The following SPECC1L variants were observed in gnomAD, a reference collection of about 807,000 sequenced individuals.
SPECC1L encodes the protein cytospin-A.
A neutral mutation model predicts 116.8 loss-of-function variants in SPECC1L; 40 were observed. That is an observed-to-expected ratio of 0.34 (90% CI 0.27 to 0.45). SPECC1L has a LOEUF of 0.45. Ranked by LOEUF, SPECC1L falls within the 20% of genes least tolerant of loss-of-function variation. The pLI, the probability that SPECC1L is intolerant of heterozygous loss-of-function variation, is 1.00. For synonymous variants in SPECC1L, 504 were observed against 500.6 expected, an observed-to-expected ratio of 1.01 and a Z score of -0.09; for missense variants, 1,110 against 1,373.6, an observed-to-expected ratio of 0.81 and a Z score of 3.03.
intron 1 of SPECC1L, among the ~76,000 whole-genome samples, chr22:24,273,314 G>C (rs1342864392): frequency 1.3e-5 from 2 of 152,124 alleles, no homozygotes; most frequent in Non-Finnish European, 2.9e-5. Flanking sequence ...GCTCAGCTCA[G>C]TAAGGGAACA....
intron 11 of SPECC1L, among the ~76,000 whole-genome samples, chr22:24,355,539 T>C (rs1169706218): frequency 6.6e-6 from 1 of 152,126 alleles, no homozygotes. Context: ...ACTGTAAGTT[T>C]ATACTCATAC....
At chr22:24,410,117 T>C (rs930690417) in intron 14 of SPECC1L, among the ~76,000 whole-genome samples, 1 of 152,226 alleles carries the variant, frequency 6.6e-6, no homozygotes, top group East Asian at 1.9e-4. Context: ...GGCTGTCAGA[T>C]GATGACACCT....
intron 15 of SPECC1L, chr22:24,412,311 G>A: frequency 2.4e-6 from 1 of 415,146 alleles, no homozygotes; most frequent in South Asian, 2.1e-5. Context: ...GAAGATCCCT[G>A]TGGGGGAAGC....
intron 14 of SPECC1L, among the ~76,000 whole-genome samples, chr22:24,404,560 C>T (rs1349374891): frequency 6.6e-6 from 1 of 152,182 alleles, no homozygotes; most frequent in African/African-American, 2.4e-5. Flanking sequence ...CAAGTCTAGT[C>T]TGCTTTAGCT....
chr22:24,387,297 T>A (rs1483633144), intron 14 of SPECC1L, among the ~76,000 whole-genome samples: 2 of 152,226 alleles, frequency 1.3e-5, no homozygotes, highest in Non-Finnish European at 2.9e-5. Context: ...AGCAGCCAGA[T>A]GCACAGGAGT....
At chr22:24,388,233 T>TC (rs1205286463) in intron 14 of SPECC1L, among the ~76,000 whole-genome samples, 1 of 52,252 alleles carries the variant, frequency 1.9e-5, no homozygotes, top group Non-Finnish European at 3.4e-5. Flanking sequence ...CCCTCCCCCC[T>TC]CCCCCCACCC....
Position 24,414,506 on chromosome 22 carries a change from C to G in SPECC1L, c.3265-28C>G, listed in dbSNP as rs2146832500. 3.7e-6 allele frequency: 6 copies of G among 1,607,340 alleles called. No homozygotes were observed. The South Asian group carries it at 4.4e-5, about 12-fold the overall frequency. On this transcript the variant is annotated intron_variant, in intron 16 of 16. Transcript: ENST00000314328. ...CACAGCCTGGAGGTGACCTGCAGTT[C>G]TAACCAAGCGTCTTCCTTGTCTGTC...
At chr22:24,400,965 A>T (rs2042462225) in intron 14 of SPECC1L, among the ~76,000 whole-genome samples, 1 of 152,216 alleles carries the variant, frequency 6.6e-6, no homozygotes, top group Non-Finnish European at 1.5e-5. Context: ...GGAAATTTTC[A>T]AATATGCACT....
intron 2 of SPECC1L, among the ~76,000 whole-genome samples, chr22:24,277,765 A>G (rs964694386): frequency 6.6e-6 from 1 of 152,180 alleles, no homozygotes; most frequent in African/African-American, 2.4e-5. Context: ...TTCATGCTTT[A>G]TTTGTCCATC....
intron 8 of SPECC1L, among the ~76,000 whole-genome samples, chr22:24,334,058 G>A (rs973045312): frequency 1.3e-5 from 2 of 149,870 alleles, no homozygotes; most frequent in African/African-American, 4.9e-5. Context: ...TTTTGCCCAG[G>A]CCGGACTGCA....
At chr22:24,352,887 C>G (rs564348290) in intron 11 of SPECC1L, among the ~76,000 whole-genome samples, 3 of 152,160 alleles carry the variant, frequency 2.0e-5, no homozygotes, top group Admixed American at 6.5e-5. Context: ...AGAAAAGTTG[C>G]AAGAAGTTGT....
chr22:24,364,701 A>G (rs1417923626), intron 12 of SPECC1L, among the ~76,000 whole-genome samples: 1 of 150,224 alleles, frequency 6.7e-6, no homozygotes, highest in African/African-American at 2.4e-5. Flanking sequence ...CTAGCATTGC[A>G]TGTAGCCCTG....
chr22:24,373,176 A>G lies in SPECC1L; in HGVS notation c.3087+3856A>G, dbSNP rs562946295. Among the ~76,000 whole-genome samples the G allele has an allele frequency of 4.8e-4, 73 of 152,322 alleles. 1 individual carries two copies. The East Asian group carries it at 9.2e-3, about 19-fold the overall frequency. On this transcript the variant is annotated intron_variant, in intron 14 of 16. Coordinates refer to ENST00000314328, the MANE Select transcript of SPECC1L (RefSeq NM_015330.6). ...CCATGCTCATGGGTAGGAAGAATCA[A>G]TATCATGAAAATGGCCATACTGCCC...
At chr22:24,368,596 A>G (rs989270131) in intron 13 of SPECC1L, among the ~76,000 whole-genome samples, 2 of 152,210 alleles carry the variant, frequency 1.3e-5, no homozygotes, top group Non-Finnish European at 2.9e-5. Context: ...ATATTTTACA[A>G]TAAGTAATTT....
At chr22:24,338,295 A>G (rs923017711) in intron 9 of SPECC1L, 91 bp from the exon 10 acceptor site, 12 of 1,268,120 alleles carry the variant, frequency 9.5e-6, no homozygotes, top group Non-Finnish European at 1.4e-5. Context: ...GTTTGAGAGC[A>G]TTGGGTAATC....
rs1261555939 is a variant in SPECC1L, at chr22:24,313,366, T to C, written c.207T>C (p.Thr69=). Reference sequence around the variant, plus strand: ...GAATGGCCGGAGGGGTAACGGTGACTAATGGTGTTAAAGGAAAGAAAAGCA... The same window carrying C: ...GAATGGCCGGAGGGGTAACGGTGACCAATGGTGTTAAAGGAAAGAAAAGCA... ...LAGMAGGVTV[T]NGVKGKKSTC... Residue 69 remains threonine, a synonymous_variant, in exon 4 of 17, where the codon ACT becomes ACC. Coordinates refer to ENST00000314328, the MANE Select transcript of SPECC1L (RefSeq NM_015330.6). 1.2e-6 allele frequency: 2 copies of C among 1,614,050 alleles called. No individual in the cohort carries two copies. Among genetic ancestry groups the C allele is most frequent in the Non-Finnish European group, 1.7e-6 (2 of 1,180,034 alleles).
At chr22:24,335,274 ATCTTT>A (rs1200683398) in intron 9 of SPECC1L, among the ~76,000 whole-genome samples, 1 of 152,222 alleles carries the variant, frequency 6.6e-6, no homozygotes, top group African/African-American at 2.4e-5. Context: ...TGATAAAAAG[ATCTTT>A]TCTTGTTTAA....
chr22:24,279,499 A>T (rs888067963), intron 2 of SPECC1L, among the ~76,000 whole-genome samples: 1 of 151,920 alleles, frequency 6.6e-6, no homozygotes, highest in African/African-American at 2.4e-5. Flanking sequence ...AAATACTGGG[A>T]TTACAGGCAT....
At chr22:24,402,379 G>GT (rs1466117685) in intron 14 of SPECC1L, among the ~76,000 whole-genome samples, 1 of 151,988 alleles carries the variant, frequency 6.6e-6, no homozygotes, top group African/African-American at 2.4e-5. Flanking sequence ...AGTCTCGATG[G>GT]TTTTTTTACT....
Sources: gnomAD v4.1 joint callset for allele counts (sites outside exome capture counted in the v4.1 genomes callset) on GRCh38, gnomAD v4.1.1 for gene constraint, MANE v1.5 for transcripts, NCBI Gene and HGNC (gene_info 2026-07-23, HGNC 2026-07-21) for gene names.